Variants in CPSF1 observed in about 807,000 individuals in gnomAD.
The protein encoded by CPSF1 is cleavage and polyadenylation specific factor 1.
Under a neutral mutation model 175.8 loss-of-function variants are expected in CPSF1, and 106 were observed. The ratio of observed to expected loss-of-function variants is 0.60; its 90% CI spans 0.52 to 0.71. The LOEUF (loss-of-function observed/expected upper bound fraction) is 0.71, where lower values mean the gene tolerates loss of function less well. Ranked by LOEUF, CPSF1 falls within the 30% of genes least tolerant of loss-of-function variation. The pLI, the probability that CPSF1 is intolerant of heterozygous loss-of-function variation, is 0.00. For synonymous variants in CPSF1, 1,024 were observed against 858.3 expected (o/e 1.19, Z -3.37); for missense variants, 1,734 against 2,022.9 (o/e 0.86, Z 2.74).
intron 9 of CPSF1, 30 bp downstream of exon 9, chr8:144,400,136 C>CCG (rs2039733694): frequency 3.0e-6 from 3 of 995,020 alleles, no homozygotes; most frequent in African/African-American, 1.9e-5. Context: ...CGTCCCCGGG[C>CCG]CCCCCCCGCC....
rs562038809 is a variant in CPSF1 at position 144,394,481 on chromosome 8, C to G, written c.3642G>C (p.Gln1214His). Reference protein sequence around the residue: ...AFIDTQLYIHQMISVKNFILA... With the variant: ...AFIDTQLYIHHMISVKNFILA... ...GGATGAAGTTCTTGACGCTGATCAT[C>G]TGGTGTATGTAGAGCTGCGTGTCGA... The change falls in exon 32 of 38, where the codon CAG (glutamine) becomes CAC (histidine). Residue 1214 changes from glutamine to histidine, a missense_variant. Physicochemically the swap from Gln to His is conservative, Grantham distance 24 (BLOSUM62 0). This residue lies in a region of CPSF1 where 323 missense variants were observed against 338.5 expected (regional missense o/e 0.95). Coordinates refer to ENST00000616140, the MANE Select transcript of CPSF1 (RefSeq NM_013291.3). 1 of 1,609,416 alleles carries G rather than the reference C, an allele frequency of 6.2e-7. No homozygotes were observed. Among genetic ancestry groups the G allele is most frequent in the East Asian group, 2.2e-5 (1 of 44,754 alleles).
chr8:144,401,478 C>T lies in CPSF1; in HGVS notation c.258G>A (p.Leu86=). ...GNVMSMASVQ[L]AGAKRDALLL... ...GCAGGGCATCCCGCTTGGCTCCTGC[C>T]AGCTGCACGCTGGCCATGGACATGA... The change falls in exon 4 of 38, where the codon CTG becomes CTA. Residue 86 remains leucine (L), a synonymous_variant. Transcript: ENST00000616140. The T allele has an allele frequency of 6.2e-7, 1 of 1,614,058 alleles. No homozygotes were observed. The highest frequency in any genetic ancestry group is 8.5e-7 in the Non-Finnish European group (1 of 1,180,006).
chr8:144,405,861 T>C (rs1385827943), intron 2 of CPSF1, among the ~76,000 whole-genome samples: 1 of 152,122 alleles, frequency 6.6e-6, no homozygotes, highest in Non-Finnish European at 1.5e-5. Context: ...CTAGCCATGC[T>C]GGGGACAGGG....
rs782251256 is a variant in CPSF1, at chr8:144,394,012, G to A, written c.3886C>T (p.Leu1296=). 1.9e-6 allele frequency: 3 copies of A among 1,612,688 alleles called. No homozygotes were observed. Among genetic ancestry groups the A allele is most frequent in the Middle Eastern group, 1.7e-4 (1 of 6,060 alleles). The change falls in exon 35 of 38, where the codon CTG becomes TTG. Residue 1296 remains leucine, a synonymous_variant. Coordinates refer to ENST00000616140, the MANE Select transcript of CPSF1 (RefSeq NM_013291.3). ...EAKESFGGMR[L]LRRADFHVGA... is the part of the protein sequence containing the mutation. The stretch of plus-strand genomic sequence containing the variant: ...ACGTGGAAGTCTGCCCGACGCAGCA[G>A]GCGCATGCCCCCGAAACTCTCCTTG...
chr8:144,398,226 T>TC, intron 19 of CPSF1, 76 bp downstream of exon 19: 8 of 707,888 alleles, frequency 1.1e-5, no homozygotes, highest in Non-Finnish European at 1.3e-5. Context: ...CCCAACCACC[T>TC]CCCCCCCACC....
In CPSF1 at chr8:144,399,749, G is replaced by C. The variant is rs2116865892; in HGVS notation, c.1119+32C>G. 1 of 1,596,930 alleles carries C rather than the reference G, an allele frequency of 6.3e-7. No homozygotes were observed. The highest frequency in any genetic ancestry group is 1.7e-5 in the Admixed American group (1 of 57,586). On this transcript the variant is annotated intron_variant, in intron 11 of 37. Coordinates refer to ENST00000616140, the MANE Select transcript of CPSF1 (RefSeq NM_013291.3). The surrounding 1 kb of genome is among the most constrained non-coding windows in gnomAD (Gnocchi z 6.4). ...GGTGTGTGATGGCTGGGCCGGGTCT[G>C]GACCCAGACCCAACCCCTAGTCCCA...
chr8:144,403,239 G>A (rs1821316904), intron 2 of CPSF1, among the ~76,000 whole-genome samples: 1 of 151,648 alleles, frequency 6.6e-6, no homozygotes, highest in Non-Finnish European at 1.5e-5. Flanking sequence ...TGGGATTATA[G>A]GCGCCCACCA....
At chr8:144,400,135 G>GGGGGGCCCCCCCCCCCCCCCCCCCCC in intron 9 of CPSF1, 31 bp downstream of exon 9, 11 of 895,992 alleles carry the variant, frequency 1.2e-5, no homozygotes, top group Non-Finnish European at 1.8e-5. Flanking sequence ...CCGTCCCCGG[G>GGGGGGCCCCCCCCCCCCCCCCCCCCC]CCCCCCCCGC....
In CPSF1 at chr8:144,397,759, G is replaced by C; in HGVS notation, c.2194C>G (p.Leu732Val). 6.2e-7 allele frequency: 1 copy of C among 1,607,748 alleles called. No individual in the cohort carries two copies. The highest frequency in any genetic ancestry group is 8.5e-7 in the Non-Finnish European group (1 of 1,176,652). ...CCCACGCACCTAGTCTCTGAGCCCA[G>C]GCCCTCGGCCTCCGGGCCACTGCGG... ...GGRSGPEAEG[L>V]GSETSPTVDD... The change falls in exon 21 of 38, where the codon CTG (leucine) becomes GTG (valine). Residue 732 changes from leucine to valine, a missense_variant. By Grantham distance (32) the Leu-to-Val change is conservative. Around this residue, in one of 10 missense-constraint regions of CPSF1, gnomAD observed 585 missense variants for 584.7 expected, o/e 1.00. Transcript: ENST00000616140.
intron 28 of CPSF1, 29 bp downstream of exon 28, chr8:144,395,236 G>A: frequency 6.2e-7 from 1 of 1,613,012 alleles, no homozygotes; most frequent in Non-Finnish European, 8.5e-7. Context: ...ATGCGGCTGA[G>A]GATGGGAGTA....
At position 144,399,769 on chromosome 8, in the gene CPSF1, G is replaced by A; in HGVS notation, c.1119+12C>T. ...GGTCTGGACCCAGACCCAACCCCTA[G>A]TCCCAACTCACGCTGGTGGTGAGGA... On this transcript the variant is annotated intron_variant, in intron 11 of 37. Transcript: ENST00000616140. This position sits in a 1 kb window ranked among gnomAD's most constrained non-coding sequence, Gnocchi z 6.4. 1.9e-6 allele frequency: 3 copies of A among 1,584,972 alleles called. No individual in the cohort carries two copies. The highest frequency in any genetic ancestry group is 1.7e-6 in the Non-Finnish European group (2 of 1,166,130).
chr8:144,405,053 A>G (rs1430432612), intron 2 of CPSF1, among the ~76,000 whole-genome samples: 4 of 74,220 alleles, frequency 5.4e-5, no homozygotes, highest in Non-Finnish European at 1.0e-4. Context: ...TAAAAAAAAA[A>G]AGAGAAAGAA....
intron 25 of CPSF1, 42 bp from the exon 26 acceptor site, chr8:144,396,542 GC>G: frequency 6.2e-7 from 1 of 1,608,642 alleles, no homozygotes. Context: ...TGAGGATGCT[GC>G]GGATGAGGCC....
At position 144,398,541 on chromosome 8, in the gene CPSF1, C is replaced by A; in HGVS notation, c.1736G>T (p.Arg579Leu). 1.2e-6 allele frequency: 2 copies of A among 1,613,846 alleles called. No homozygotes were observed. The highest frequency in any genetic ancestry group is 1.7e-6 in the Non-Finnish European group (2 of 1,179,932). Residue 579 changes from arginine (R) to leucine (L), a missense_variant, in exon 18 of 38, where the codon CGG becomes CTG. Arg to Leu is a moderately radical substitution (Grantham distance 102, BLOSUM62 -2). Coordinates refer to ENST00000616140, the MANE Select transcript of CPSF1 (RefSeq NM_013291.3). ...GCCCCTCACCATGGTGGAGTCTTCC[C>A]GGCTCAGAATCAGGAATCCGTGTCT... ...GRRHGFLILS[R>L]EDSTMILQTG... is the part of the protein sequence containing the mutation.
At position 144,405,611 on chromosome 8, in the gene CPSF1, G is replaced by A. The variant is rs200394935; in HGVS notation, c.144+3404C>T. On this transcript the variant is annotated intron_variant, in intron 2 of 37. Coordinates refer to ENST00000616140, the MANE Select transcript of CPSF1 (RefSeq NM_013291.3). ...TGCACTCTATCCTGGGTGACAGAGG[G>A]AGACTCTCTCTCAAAAAAGAAAAAA... Among the ~76,000 whole-genome samples the A allele has an allele frequency of 2.0e-5, 3 of 152,062 alleles. No individual in the cohort carries two copies. In the East Asian group the frequency reaches 5.8e-4, roughly 29 times the overall value.
chr8:144,396,125 G>A, intron 26 of CPSF1: 1 of 583,394 alleles, frequency 1.7e-6, no homozygotes, highest in Non-Finnish European at 3.0e-6. Flanking sequence ...GAGCAGTGGT[G>A]GGGACCCCAG....
chr8:144,400,135 G>GGGCGCCCCCC, intron 9 of CPSF1, 31 bp downstream of exon 9: 1 of 896,010 alleles, frequency 1.1e-6, no homozygotes, highest in Non-Finnish European at 1.6e-6. Flanking sequence ...CCGTCCCCGG[G>GGGCGCCCCCC]CCCCCCCCGC....
chr8:144,405,773 G>A (rs1821467665), intron 2 of CPSF1, among the ~76,000 whole-genome samples: 1 of 152,206 alleles, frequency 6.6e-6, no homozygotes, highest in South Asian at 2.1e-4. Flanking sequence ...GGCAGCTTCT[G>A]CCTTAGCCTC....
chr8:144,408,128 A>G (rs2116910322), intron 2 of CPSF1, among the ~76,000 whole-genome samples: 3,595 of 152,118 alleles, frequency 0.024, 143 homozygotes, highest in African/African-American at 0.083. Flanking sequence ...GTCAGCCCCT[A>G]TTCACAACCC....
Sources: gnomAD v4.1 joint callset for allele counts (sites outside exome capture counted in the v4.1 genomes callset) on GRCh38, gnomAD v4.1.1 for gene constraint, gnomAD v4.1.1 regional missense constraint, Gnocchi (gnomAD v3.1) non-coding constraint, MANE v1.5 for transcripts, NCBI Gene and HGNC (gene_info 2026-07-23, HGNC 2026-07-21) for gene names.